ZFPM2: variants seen among roughly 807,000 people sequenced by gnomAD.
The protein encoded by ZFPM2 is zinc finger protein ZFPM2.
In ZFPM2, 20 loss-of-function variants were observed where a neutral mutation model predicts 98.6. The observed-to-expected ratio is 0.20, with a 90% CI of 0.14 to 0.29. ZFPM2 has a LOEUF of 0.29. Ranked by LOEUF, ZFPM2 falls within the 10% of genes least tolerant of loss-of-function variation. ZFPM2 has a pLI of 1.00. For synonymous variants in ZFPM2, 518 were observed against 502.7 expected (o/e 1.03, Z -0.41); for missense variants, 1,310 against 1,388.6 (o/e 0.94, Z 0.90).
rs192996438 is a variant in ZFPM2 at position 105,375,791 on chromosome 8, C to T, written c.41-43353C>T. On this transcript the variant is annotated intron_variant, in intron 1 of 7. Coordinates refer to ENST00000407775, the MANE Select transcript of ZFPM2 (RefSeq NM_012082.4). The stretch of plus-strand genomic sequence containing the variant: ...GCTGAGATAAACTTTTTGAGGTCAA[C>T]GAACATGTTCCTCTGTGGAGTCTAC... Among the ~76,000 whole-genome samples the T allele has an allele frequency of 4.6e-5, 7 of 152,236 alleles. No individual in the cohort carries two copies. The East Asian group carries it at 1.4e-3, about 29-fold the overall frequency.
intron 1 of ZFPM2, among the ~76,000 whole-genome samples, chr8:105,371,824 T>G (rs1046032428): frequency 6.6e-6 from 1 of 152,074 alleles, no homozygotes; most frequent in African/African-American, 2.4e-5. Flanking sequence ...ATTTAATCTG[T>G]ACTGTGTATT....
chr8:105,424,126 C>T (rs764708492), intron 2 of ZFPM2, among the ~76,000 whole-genome samples: 3 of 152,184 alleles, frequency 2.0e-5, no homozygotes, highest in Non-Finnish European at 2.9e-5. Context: ...CAAACACCAC[C>T]TGTTCCCCCA....
intron 1 of ZFPM2, among the ~76,000 whole-genome samples, chr8:105,400,508 A>G (rs1471038138): frequency 1.3e-5 from 2 of 152,126 alleles, no homozygotes; most frequent in Admixed American, 1.3e-4. Flanking sequence ...TATTTTTTAA[A>G]TGATACAAAA....
At chr8:105,736,453 G>T (rs191923646) in intron 5 of ZFPM2, among the ~76,000 whole-genome samples, 39 of 152,066 alleles carry the variant, frequency 2.6e-4, no homozygotes, top group Middle Eastern at 3.4e-3. Context: ...CCTTTGAGAA[G>T]TAAGCAGATA....
intron 4 of ZFPM2, among the ~76,000 whole-genome samples, chr8:105,580,301 A>G (rs1178552065): frequency 6.6e-6 from 1 of 152,202 alleles, no homozygotes; most frequent in African/African-American, 2.4e-5. Context: ...AAAGACTTCT[A>G]AATAGTGAAT....
At chr8:105,636,179 G>A (rs1333841017) in intron 5 of ZFPM2, among the ~76,000 whole-genome samples, 2 of 152,136 alleles carry the variant, frequency 1.3e-5, no homozygotes, top group African/African-American at 2.4e-5. Flanking sequence ...CCATCTGAAA[G>A]ATTTTGGATT....
intron 2 of ZFPM2, among the ~76,000 whole-genome samples, chr8:105,440,018 A>G (rs1397231248): frequency 6.6e-6 from 1 of 152,214 alleles, no homozygotes; most frequent in Non-Finnish European, 1.5e-5. Context: ...GAAGATTAAG[A>G]TGGTAAACTG....
intron 4 of ZFPM2, among the ~76,000 whole-genome samples, chr8:105,605,470 A>G (rs2130790359): frequency 1.3e-5 from 2 of 152,250 alleles, no homozygotes; most frequent in African/African-American, 4.8e-5. Flanking sequence ...TATTTTATCT[A>G]CATCATTAAA....
At chr8:105,562,357 T>TAAATAAAA (rs3049317) in intron 4 of ZFPM2, among the ~76,000 whole-genome samples, 3 of 143,354 alleles carry the variant, frequency 2.1e-5, no homozygotes, top group African/African-American at 6.0e-5. Context: ...AATAAATAAA[T>TAAATAAAA]GGAAAGGTAG....
chr8:105,509,684 T>C (rs1240510227), intron 3 of ZFPM2, among the ~76,000 whole-genome samples: 1 of 152,156 alleles, frequency 6.6e-6, no homozygotes, highest in Non-Finnish European at 1.5e-5. Context: ...CCATTTTTGA[T>C]GGCTGAACTT....
At chr8:105,438,040 A>G (rs1563658257) in intron 2 of ZFPM2, among the ~76,000 whole-genome samples, 2 of 152,178 alleles carry the variant, frequency 1.3e-5, no homozygotes, top group Non-Finnish European at 2.9e-5. Context: ...CTCTGTCTCC[A>G]ATAAAAAAAA....
At position 105,441,807 on chromosome 8, in the gene ZFPM2, C is replaced by A. The variant is rs75110456; in HGVS notation, c.200-2473C>A. On this transcript the variant is annotated intron_variant, in intron 2 of 7. Coordinates refer to ENST00000407775, the MANE Select transcript of ZFPM2 (RefSeq NM_012082.4). The stretch of plus-strand genomic sequence containing the variant: ...ATAAACCTCCTGCTCACCAGGCTTT[C>A]ATCACATAGTTTCTGGATTGAGAGA... 3.5e-3 allele frequency among the ~76,000 whole-genome samples: 535 copies of A among 152,210 alleles called. 8 individuals are homozygous for A. The highest frequency in any genetic ancestry group is 0.012 in the African/African-American group (497 of 41,510).
At chr8:105,462,438 G>A (rs1298619007) in intron 3 of ZFPM2, among the ~76,000 whole-genome samples, 2 of 152,152 alleles carry the variant, frequency 1.3e-5, no homozygotes, top group Admixed American at 1.3e-4. Flanking sequence ...GGACGAGGGA[G>A]AGACTAAGGT....
intron 3 of ZFPM2, among the ~76,000 whole-genome samples, chr8:105,557,843 C>T (rs1310527997): frequency 2.0e-5 from 3 of 152,100 alleles, no homozygotes; most frequent in African/African-American, 7.2e-5. Flanking sequence ...TAAAGTGGTT[C>T]GGGGACTTAA....
intron 5 of ZFPM2, among the ~76,000 whole-genome samples, chr8:105,669,516 A>G (rs78800803): frequency 2.1e-4 from 31 of 148,448 alleles, no homozygotes; most frequent in Admixed American, 1.4e-4. Context: ...CTTTGTCTCT[A>G]TTTTAAGCTG....
chr8:105,641,928 C>CCCGTTGACAGAAGCT (rs1816955968), intron 5 of ZFPM2, among the ~76,000 whole-genome samples: 2 of 152,026 alleles, frequency 1.3e-5, no homozygotes, highest in Admixed American at 1.3e-4. Context: ...AAGCTTCTGT[C>CCCGTTGACAGAAGCT]TCTTAACGGT....
At chr8:105,515,201 A>G (rs558831779) in intron 3 of ZFPM2, among the ~76,000 whole-genome samples, 1 of 152,352 alleles carries the variant, frequency 6.6e-6, no homozygotes, top group South Asian at 2.1e-4. Context: ...TATTAATTTC[A>G]AATAGGAAGA....
chr8:105,783,996 A>C (rs1245481988), intron 5 of ZFPM2, among the ~76,000 whole-genome samples: 1 of 152,162 alleles, frequency 6.6e-6, no homozygotes, highest in African/African-American at 2.4e-5. Flanking sequence ...CCAGCAGTGC[A>C]CAAGGGTTCC....
rs567542351 is a variant in ZFPM2 at position 105,707,340 on chromosome 8, C to T, written c.532+72983C>T. On this transcript the variant is annotated intron_variant, in intron 5 of 7. Transcript: ENST00000407775. The stretch of plus-strand genomic sequence containing the variant: ...CAGGTGAGGCTCTATGTAAAGGTGA[C>T]CAAATAATGTACCATACTAAATGGG... Among the ~76,000 whole-genome samples the T allele has an allele frequency of 2.6e-5, 4 of 151,862 alleles. No homozygotes were observed. The South Asian group carries it at 8.4e-4, about 32-fold the overall frequency.
Sources: allele counts gnomAD v4.1 joint callset (sites outside exome capture counted in the v4.1 genomes callset), GRCh38; gene constraint gnomAD v4.1.1; transcripts MANE v1.5; gene names NCBI Gene and HGNC (gene_info 2026-07-23, HGNC 2026-07-21).